The following CLVS1 variants were observed in gnomAD, a reference collection of about 807,000 sequenced individuals.
CLVS1 encodes the protein clavesin 1, also known as clavesin-1.
Under a neutral mutation model 33.1 loss-of-function variants are expected in CLVS1, and 10 were observed. The observed-to-expected ratio is 0.30, with a 90% confidence interval of 0.19 to 0.51. The LOEUF is 0.51. Among genes scored for constraint, CLVS1 ranks in the 20% least tolerant of loss-of-function variants. The pLI, the probability that CLVS1 is intolerant of heterozygous loss-of-function variation, is 0.97. For synonymous variants in CLVS1, 163 were observed against 166.1 expected, an observed-to-expected ratio of 0.98 and a Z score of 0.14; for missense variants, 343 against 433.4, an observed-to-expected ratio of 0.79 and a Z score of 1.85.
chr8:61,347,628 A>T (rs1477953235), intron 2 of CLVS1, among the ~76,000 whole-genome samples: 331 of 706 alleles, frequency 0.47, 2 homozygotes, highest in South Asian at 0.5. Context: ...CCATTCCATT[A>T]TATATATATA....
chr8:61,064,347 G>A (rs1804636376), intron 1 of CLVS1, among the ~76,000 whole-genome samples: 1 of 152,100 alleles, frequency 6.6e-6, no homozygotes, highest in Non-Finnish European at 1.5e-5. Context: ...AATGAAGTAC[G>A]AGGATTCCAA....
intron 1 of CLVS1, among the ~76,000 whole-genome samples, chr8:61,297,058 C>T (rs113223318): frequency 2.0e-4 from 31 of 152,208 alleles, no homozygotes; most frequent in Middle Eastern, 3.4e-3. Flanking sequence ...TTATTCTAGA[C>T]AGAGAGAGTG....
chr8:61,345,067 C>T (rs1313490112), intron 2 of CLVS1, among the ~76,000 whole-genome samples: 1 of 152,144 alleles, frequency 6.6e-6, no homozygotes. Flanking sequence ...TCTTTAGTGG[C>T]AATTTTCTAA....
chr8:61,155,523 AC>A (rs1806631518), intron 2 of CLVS1, among the ~76,000 whole-genome samples: 2 of 151,818 alleles, frequency 1.3e-5, no homozygotes, highest in African/African-American at 4.8e-5. Context: ...TGTTCTCTAA[AC>A]CTTAACTTAT....
the CLVS1 span, among the ~76,000 whole-genome samples, chr8:60,966,846 A>G: frequency 6.6e-6 from 1 of 152,222 alleles, no homozygotes; most frequent in Non-Finnish European, 1.5e-5. Flanking sequence ...AATTTCTTAT[A>G]CATGACATTG....
the CLVS1 span, among the ~76,000 whole-genome samples, chr8:61,049,805 G>A: frequency 1.3e-5 from 2 of 152,228 alleles, no homozygotes; most frequent in Non-Finnish European, 2.9e-5. Flanking sequence ...TGGCTTTGGG[G>A]CCACATTCCA....
At chr8:61,459,179 G>A (rs765870122) in intron 5 of CLVS1, among the ~76,000 whole-genome samples, 3 of 152,190 alleles carry the variant, frequency 2.0e-5, no homozygotes, top group South Asian at 2.1e-4. Flanking sequence ...GTAAAAAGGC[G>A]TGCAAGGGTG....
intron 1 of CLVS1, among the ~76,000 whole-genome samples, chr8:61,077,462 T>G (rs1039566040): frequency 2.5e-5 from 3 of 121,204 alleles, no homozygotes; most frequent in African/African-American, 3.5e-5. Context: ...ATTATTATTA[T>G]TATTATTATT....
chr8:61,118,215 G>A (rs1265540476), intron 1 of CLVS1, among the ~76,000 whole-genome samples: 1 of 152,014 alleles, frequency 6.6e-6, no homozygotes, highest in Admixed American at 6.6e-5. Flanking sequence ...GATCGGTGGT[G>A]ATATCCCCTT....
At chr8:61,231,377 T>A (rs1029134047) in intron 2 of CLVS1, among the ~76,000 whole-genome samples, 1 of 152,150 alleles carries the variant, frequency 6.6e-6, no homozygotes, top group African/African-American at 2.4e-5. Flanking sequence ...ATTAGAATCA[T>A]GTGGGGAGTT....
chr8:61,444,560 A>G (rs1816683690), intron 3 of CLVS1, among the ~76,000 whole-genome samples: 1 of 152,204 alleles, frequency 6.6e-6, no homozygotes, highest in Non-Finnish European at 1.5e-5. Flanking sequence ...TGTTTTAATC[A>G]GATACAGTAA....
rs375180591 is a variant in CLVS1, at chr8:61,307,720, A to T, written c.455+7438A>T. On this transcript the variant is annotated intron_variant, in intron 2 of 5. Coordinates refer to ENST00000325897, the MANE Select transcript of CLVS1 (RefSeq NM_173519.3). ...TATTTTGATAGATTTAGGGGGTACAAGTGCAGTTTTGTTACATGGTTATAT... is the reference window on the plus strand; with the variant it reads ...TATTTTGATAGATTTAGGGGGTACATGTGCAGTTTTGTTACATGGTTATAT... Among the ~76,000 whole-genome samples, 424 of 152,210 alleles carry T rather than the reference A, an allele frequency of 2.8e-3. 1 individual carries two copies. The highest frequency in any genetic ancestry group is 9.6e-3 in the African/African-American group (400 of 41,544).
chr8:61,268,134 T>C (rs1328621334), intron 2 of CLVS1, among the ~76,000 whole-genome samples: 1 of 151,702 alleles, frequency 6.6e-6, no homozygotes, highest in African/African-American at 2.4e-5. Context: ...TCATCTAGCA[T>C]TAGGTATATC....
At chr8:61,475,592 T>G (rs1463521390) in intron 5 of CLVS1, among the ~76,000 whole-genome samples, 3 of 152,268 alleles carry the variant, frequency 2.0e-5, no homozygotes, top group African/African-American at 7.2e-5. Flanking sequence ...CATAAATGTC[T>G]TCTTTTGAGA....
At chr8:61,119,072 T>G (rs1193738913) in intron 1 of CLVS1, among the ~76,000 whole-genome samples, 1 of 152,220 alleles carries the variant, frequency 6.6e-6, no homozygotes, top group Non-Finnish European at 1.5e-5. Context: ...TGGGTGCATA[T>G]ATATTTAGGA....
intron 2 of CLVS1, among the ~76,000 whole-genome samples, chr8:61,240,444 A>G (rs568514787): frequency 4.6e-5 from 7 of 152,138 alleles, no homozygotes; most frequent in Non-Finnish European, 8.8e-5. Context: ...CTGCCCAGCA[A>G]TTGGTCACCC....
At chr8:60,977,103 T>C in the CLVS1 span, among the ~76,000 whole-genome samples, 1 of 152,228 alleles carries the variant, frequency 6.6e-6, no homozygotes, top group African/African-American at 2.4e-5. Flanking sequence ...GAAACTTCAC[T>C]GACCACAAAA....
At chr8:61,432,726 A>T (rs1005405015) in intron 3 of CLVS1, among the ~76,000 whole-genome samples, 1 of 152,220 alleles carries the variant, frequency 6.6e-6, no homozygotes, top group African/African-American at 2.4e-5. Flanking sequence ...AAAATCTTAT[A>T]CTTGACTCAG....
chr8:61,106,429 C>A (rs141707492), intron 1 of CLVS1, among the ~76,000 whole-genome samples: 1 of 152,294 alleles, frequency 6.6e-6, no homozygotes, highest in East Asian at 1.9e-4. Flanking sequence ...AAAGCTAAGG[C>A]GCATTTTGGA....
Sources: gnomAD v4.1 joint callset for allele counts (sites outside exome capture counted in the v4.1 genomes callset) on GRCh38, gnomAD v4.1.1 for gene constraint, MANE v1.5 for transcripts, NCBI Gene and HGNC (gene_info 2026-07-23, HGNC 2026-07-21) for gene names.